The following SPOCK3 variants were observed in gnomAD, a reference collection of about 807,000 sequenced individuals.
The protein encoded by SPOCK3 is testican-3.
In SPOCK3, 30 loss-of-function variants were observed where a neutral mutation model predicts 56.6. The observed-to-expected ratio is 0.53, with a 90% CI of 0.40 to 0.72. The LOEUF is 0.72. Ranked by LOEUF, SPOCK3 falls within the 30% of genes least tolerant of loss-of-function variation. The pLI is 0.00. For synonymous variants in SPOCK3, 196 were observed against 183.3 expected, an observed-to-expected ratio of 1.07 and a Z score of -0.56; for missense variants, 527 against 530.0, an observed-to-expected ratio of 0.99 and a Z score of 0.06.
chr4:167,219,037 A>C (rs1735640005), intron 2 of SPOCK3, among the ~76,000 whole-genome samples: 1 of 152,278 alleles, frequency 6.6e-6, no homozygotes, highest in East Asian at 1.9e-4. Flanking sequence ...ACTCCAAAAA[A>C]ATATATTTTA....
In SPOCK3 at chr4:167,053,066, G is replaced by A. The variant is rs547079903; in HGVS notation, c.235+9426C>T. Among the ~76,000 whole-genome samples the A allele has an allele frequency of 2.6e-4, 39 of 152,264 alleles. 1 individual carries two copies. The highest frequency in any genetic ancestry group is 9.4e-4 in the African/African-American group (39 of 41,558). On this transcript the variant is annotated intron_variant, in intron 3 of 10. Transcript: ENST00000357545. ...TACTGATTGCAAAAGGACATATCAG[G>A]CTGTGAATGTTATTATATGTGAGAC... is the stretch of plus-strand genomic sequence containing the variant.
At chr4:167,084,548 T>C (rs1268135948) in intron 2 of SPOCK3, among the ~76,000 whole-genome samples, 1 of 152,094 alleles carries the variant, frequency 6.6e-6, no homozygotes, top group Non-Finnish European at 1.5e-5. Flanking sequence ...CAACAGCCCT[T>C]ATGTATGTGG....
chr4:167,043,800 T>C (rs945473536), intron 3 of SPOCK3, among the ~76,000 whole-genome samples: 3 of 152,020 alleles, frequency 2.0e-5, no homozygotes, highest in Non-Finnish European at 4.4e-5. Context: ...TTGATTGTAG[T>C]GCATTAATCT....
chr4:166,799,900 G>A (rs1175526532), intron 6 of SPOCK3, among the ~76,000 whole-genome samples: 1 of 152,044 alleles, frequency 6.6e-6, no homozygotes, highest in Non-Finnish European at 1.5e-5. Context: ...GTATGAAAAT[G>A]GCCGGGCACG....
intron 2 of SPOCK3, among the ~76,000 whole-genome samples, chr4:167,088,461 C>CT (rs538566191): frequency 0.017 from 1,893 of 111,070 alleles, 24 homozygotes; most frequent in Middle Eastern, 0.028. Flanking sequence ...CCTATGAAAA[C>CT]TTTTTTTTTT....
At chr4:167,223,660 T>A (rs1736296379) in intron 2 of SPOCK3, among the ~76,000 whole-genome samples, 1 of 151,992 alleles carries the variant, frequency 6.6e-6, no homozygotes, top group African/African-American at 2.4e-5. Context: ...AATACATTTT[T>A]AAAAACTAGT....
At chr4:167,195,619 C>G (rs1018619656) in intron 2 of SPOCK3, among the ~76,000 whole-genome samples, 1 of 152,130 alleles carries the variant, frequency 6.6e-6, no homozygotes, top group Non-Finnish European at 1.5e-5. Flanking sequence ...ACTGTGGAAC[C>G]AAGGTCAGCA....
At position 166,733,890 on chromosome 4, in the gene SPOCK3, G is replaced by A. The variant is rs62352805; in HGVS notation, c.*1031C>T. On this transcript the variant is annotated 3_prime_UTR_variant, in exon 11 of 11. Coordinates refer to ENST00000357545, the MANE Select transcript of SPOCK3 (RefSeq NM_001040159.2). ...TTAATTAGGTGTGCTTATATATTGC[G>A]TAATATACTATATTGGTATGCATGC... 37,153 of 151,964 alleles carry A rather than the reference G, an allele frequency of 0.24. 5,558 individuals carry two copies. Among genetic ancestry groups the A allele is most frequent in the African/African-American group, 0.42 (17,212 of 41,382 alleles). 9.4% of individuals were successfully genotyped at this position (151,964 alleles called of 1,614,324 possible).
intron 7 of SPOCK3, among the ~76,000 whole-genome samples, chr4:166,762,377 C>T (rs1207733443): frequency 1.3e-5 from 2 of 152,202 alleles, no homozygotes; most frequent in Middle Eastern, 3.4e-3. Context: ...TGTGAGATTT[C>T]TGGTGTGCCC....
chr4:167,054,277 G>C (rs879514063), intron 3 of SPOCK3, among the ~76,000 whole-genome samples: 3 of 152,032 alleles, frequency 2.0e-5, no homozygotes, highest in African/African-American at 7.2e-5. Context: ...CCACAAACAA[G>C]GCAGATTTAA....
intron 3 of SPOCK3, among the ~76,000 whole-genome samples, chr4:167,010,267 T>A (rs1323925989): frequency 6.6e-6 from 1 of 152,092 alleles, no homozygotes; most frequent in Non-Finnish European, 1.5e-5. Flanking sequence ...ATACCTGTTA[T>A]CCCAGCACTT....
intron 4 of SPOCK3, among the ~76,000 whole-genome samples, chr4:166,932,779 G>T (rs1739938974): frequency 6.6e-6 from 1 of 152,094 alleles, no homozygotes; most frequent in South Asian, 2.1e-4. Context: ...AAATTCACTT[G>T]CTTAATTTAT....
intron 7 of SPOCK3, among the ~76,000 whole-genome samples, chr4:166,775,356 T>G (rs1219417201): frequency 6.6e-6 from 1 of 152,146 alleles, no homozygotes; most frequent in Non-Finnish European, 1.5e-5. Flanking sequence ...AAGGATGGCT[T>G]CCAGGTGTTT....
At chr4:166,871,543 TA>T (rs1732474976) in intron 6 of SPOCK3, among the ~76,000 whole-genome samples, 1 of 152,048 alleles carries the variant, frequency 6.6e-6, no homozygotes, top group Admixed American at 6.6e-5. Flanking sequence ...ATATCTATTG[TA>T]AAAATTGAAC....
At chr4:166,877,357 G>A (rs1245594681) in intron 6 of SPOCK3, among the ~76,000 whole-genome samples, 1 of 152,042 alleles carries the variant, frequency 6.6e-6, no homozygotes, top group East Asian at 1.9e-4. Context: ...GGTAAATTCT[G>A]TTATTAGAGT....
chr4:166,910,948 G>T (rs1737200980), intron 5 of SPOCK3, among the ~76,000 whole-genome samples: 1 of 152,036 alleles, frequency 6.6e-6, no homozygotes, highest in African/African-American at 2.4e-5. Flanking sequence ...ATTACAATCT[G>T]CATCCTTCAT....
intron 2 of SPOCK3, among the ~76,000 whole-genome samples, chr4:167,210,120 C>G (rs1350810076): frequency 6.6e-6 from 1 of 152,164 alleles, no homozygotes; most frequent in Non-Finnish European, 1.5e-5. Flanking sequence ...TTTCAGTCTC[C>G]TCTGTCTTGA....
chr4:166,844,053 A>T (rs566625438), intron 6 of SPOCK3, among the ~76,000 whole-genome samples: 15 of 152,320 alleles, frequency 9.8e-5, no homozygotes, highest in African/African-American at 3.6e-4. Context: ...CATAAACGCA[A>T]TGTGGGCCAA....
chr4:166,794,624 T>C (rs982546683), intron 6 of SPOCK3, among the ~76,000 whole-genome samples: 2 of 151,674 alleles, frequency 1.3e-5, no homozygotes, highest in African/African-American at 4.8e-5. Context: ...CTTTTTCTTT[T>C]TTTTTTCTTT....
Sources: allele counts gnomAD v4.1 joint callset (sites outside exome capture counted in the v4.1 genomes callset), GRCh38; gene constraint gnomAD v4.1.1; transcripts MANE v1.5; gene names NCBI Gene and HGNC (gene_info 2026-07-23, HGNC 2026-07-21).